The following RASA1 variants were observed in gnomAD, a reference collection of about 807,000 sequenced individuals.
RASA1 encodes the protein RAS p21 protein activator 1, also known as ras GTPase-activating protein 1.
RASA1 carries 25 observed loss-of-function variants against 132.2 expected under a neutral mutation model. That is an observed-to-expected ratio of 0.19 (90% CI 0.14 to 0.26). RASA1 has a LOEUF of 0.26. Ranked by LOEUF, RASA1 falls within the 10% of genes least tolerant of loss-of-function variation. The pLI is 1.00. For missense variants in RASA1, 964 were observed against 1,299.2 expected (o/e 0.74, Z 3.97); for synonymous variants, 477 against 449.9 (o/e 1.06, Z -0.76).
At chr5:87,301,683 C>A (rs1755371406) in intron 1 of RASA1, among the ~76,000 whole-genome samples, 2 of 152,110 alleles carry the variant, frequency 1.3e-5, no homozygotes, top group Non-Finnish European at 2.9e-5. Flanking sequence ...ACCAGTTGAG[C>A]ATCCTTAATC....
rs1314156817 is a variant in RASA1 at position 87,338,506 on chromosome 5, T to TAC, written c.1017+416_1017+417insCA. On this transcript the variant is annotated intron_variant, in intron 5 of 24. Transcript: ENST00000274376. ...GCCACCATGCCCAGCTAATTTTATATATATATATATATATATATATATATA... is the reference window on the plus strand; with the variant it reads ...GCCACCATGCCCAGCTAATTTTATATACATATATATATATATATATATATATA... 3.3e-4 allele frequency among the ~76,000 whole-genome samples: 29 copies of TAC among 87,072 alleles called. No individual in the cohort carries two copies. The South Asian group carries it at 0.011, about 32-fold the overall frequency. The allele number at this position is 87,072 out of a possible 152,430, so 57.1% of individuals were successfully genotyped here. A position where few individuals can be genotyped will look rare whatever the true frequency, so the allele number is the denominator to read the frequency against.
intron 6 of RASA1, among the ~76,000 whole-genome samples, chr5:87,345,418 T>C (rs1388909223): frequency 1.3e-5 from 2 of 152,150 alleles, no homozygotes; most frequent in African/African-American, 2.4e-5. Context: ...GGTCATGTAG[T>C]TGACTGTCCT....
chr5:87,332,466 G>T (rs776898751), intron 2 of RASA1, 41 bp from the exon 3 acceptor site: 1 of 1,558,958 alleles, frequency 6.4e-7, no homozygotes, highest in East Asian at 2.3e-5. Context: ...AAAATTGGCT[G>T]TAAAGATTTT....
At chr5:87,338,179 A>G in intron 5 of RASA1, 88 bp downstream of exon 5, 1 of 1,575,516 alleles carries the variant, frequency 6.3e-7, no homozygotes, top group South Asian at 1.2e-5. Context: ...GTAGCTATGA[A>G]TACATTTCTT....
Position 87,333,064 on chromosome 5 carries a change from T to C in RASA1, c.829-203T>C, listed in dbSNP as rs1757710192. Among the ~76,000 whole-genome samples, 5 of 152,258 alleles carry C rather than the reference T, an allele frequency of 3.3e-5. No homozygotes were observed. The South Asian group carries it at 1.0e-3, about 32-fold the overall frequency. The stretch of plus-strand genomic sequence containing the variant: ...ACGTTATAAAAGCATACTGCTTATA[T>C]TTAAAATATGATTTTCATAAAAACA... On this transcript the variant is annotated intron_variant, in intron 3 of 24. Transcript: ENST00000274376.
At chr5:87,357,111 C>T (rs1759707911) in intron 9 of RASA1, among the ~76,000 whole-genome samples, 1 of 152,152 alleles carries the variant, frequency 6.6e-6, no homozygotes, top group African/African-American at 2.4e-5. Context: ...CAGTCTTCCT[C>T]TCTGCCTATC....
chr5:87,290,241 A>G (rs1206290797), intron 1 of RASA1, among the ~76,000 whole-genome samples: 1 of 152,252 alleles, frequency 6.6e-6, no homozygotes, highest in Non-Finnish European at 1.5e-5. Context: ...TTTAATGGTT[A>G]AAGGTGGTGT....
At chr5:87,389,124 C>T (rs967567580) in intron 23 of RASA1, among the ~76,000 whole-genome samples, 12 of 151,320 alleles carry the variant, frequency 7.9e-5, no homozygotes, top group Non-Finnish European at 8.8e-5. Flanking sequence ...TCTAATATAC[C>T]CAATTAGAAT....
At position 87,383,113 on chromosome 5, in the gene RASA1, G is replaced by C. The variant is rs1263033010; in HGVS notation, c.2691-600G>C. On this transcript the variant is annotated intron_variant, in intron 20 of 24. Transcript: ENST00000274376. ...TATCTCAAAGAAAACAAAGAAAAAAGGAAAAAAGAAAACCTTTCCAGTGTT... is the reference window on the plus strand; with the variant it reads ...TATCTCAAAGAAAACAAAGAAAAAACGAAAAAAGAAAACCTTTCCAGTGTT... 3.3e-5 allele frequency among the ~76,000 whole-genome samples: 5 copies of C among 151,504 alleles called. No homozygotes were observed. In the South Asian group the frequency reaches 6.3e-4, roughly 19 times the overall value.
At chr5:87,366,819 C>G (rs545625821) in intron 11 of RASA1, among the ~76,000 whole-genome samples, 109 of 152,278 alleles carry the variant, frequency 7.2e-4, no homozygotes, top group Non-Finnish European at 1.4e-3. Flanking sequence ...ATCGCTTAAG[C>G]TCAGGGGTTG....
chr5:87,371,485 C>G (rs1760936312), intron 12 of RASA1, among the ~76,000 whole-genome samples: 1 of 152,058 alleles, frequency 6.6e-6, no homozygotes, highest in South Asian at 2.1e-4. Context: ...TAGTTCTCTC[C>G]TTTTCCCCAA....
chr5:87,382,446 G>C (rs569649847), intron 20 of RASA1, among the ~76,000 whole-genome samples: 1 of 152,226 alleles, frequency 6.6e-6, no homozygotes, highest in South Asian at 2.1e-4. Context: ...AATAATGCTT[G>C]TCTTTACATG....
chr5:87,344,260 T>C (rs1464697477), intron 6 of RASA1, among the ~76,000 whole-genome samples: 1 of 152,164 alleles, frequency 6.6e-6, no homozygotes, highest in Non-Finnish European at 1.5e-5. Flanking sequence ...GACTTGATCA[T>C]TAAACATTAT....
rs748037777 is a variant in RASA1, at chr5:87,391,912, T to C, written c.*1029T>C. The C allele has an allele frequency of 1.1e-4, 26 of 227,860 alleles. No individual in the cohort carries two copies. The highest frequency in any genetic ancestry group is 2.2e-4 in the Non-Finnish European group (25 of 114,544). 14.1% of individuals were successfully genotyped at this position (227,860 alleles called of 1,614,324 possible). A position where few individuals can be genotyped will look rare whatever the true frequency, so the allele number is the denominator to read the frequency against. On this transcript the variant is annotated 3_prime_UTR_variant, in exon 25 of 25. Transcript: ENST00000274376. ...AGTTAAAATAAAACCAAGGGATATC[T>C]TGCATAATTGATTACTTCTGTCTAA...
At chr5:87,387,248 C>T (rs1580412155) in intron 23 of RASA1, among the ~76,000 whole-genome samples, 3 of 152,098 alleles carry the variant, frequency 2.0e-5, no homozygotes, top group Middle Eastern at 6.8e-3. Flanking sequence ...TTTGCTGCTA[C>T]TATGTGGGGC....
intron 24 of RASA1, among the ~76,000 whole-genome samples, chr5:87,389,768 CAG>C: frequency 6.6e-6 from 1 of 152,306 alleles, no homozygotes; most frequent in East Asian, 1.9e-4. Flanking sequence ...TACTGGAAAA[CAG>C]TGTAATAACA....
At chr5:87,355,100 C>A (rs991152230) in intron 9 of RASA1, among the ~76,000 whole-genome samples, 1 of 152,102 alleles carries the variant, frequency 6.6e-6, no homozygotes, top group Non-Finnish European at 1.5e-5. Flanking sequence ...GCAAGTTACC[C>A]AGAACATCTA....
chr5:87,334,342 T>C (rs1444547700), intron 4 of RASA1, among the ~76,000 whole-genome samples: 1 of 152,184 alleles, frequency 6.6e-6, no homozygotes, highest in African/African-American at 2.4e-5. Context: ...TCCTCCATTT[T>C]TTGTTCTGTT....
chr5:87,309,802 T>C (rs945471596), intron 1 of RASA1, among the ~76,000 whole-genome samples: 1 of 152,042 alleles, frequency 6.6e-6, no homozygotes, highest in Non-Finnish European at 1.5e-5. Context: ...AAAAATACTT[T>C]AACTTGTTTA....
Sources: allele counts gnomAD v4.1 joint callset (sites outside exome capture counted in the v4.1 genomes callset), GRCh38; gene constraint gnomAD v4.1.1; transcripts MANE v1.5; gene names NCBI Gene and HGNC (gene_info 2026-07-23, HGNC 2026-07-21).